CYP2C19: variants seen among roughly 807,000 people sequenced by gnomAD.
CYP2C19 encodes cytochrome P450 2C19.
CYP2C19 carries 59 observed loss-of-function variants against 40.9 expected under a neutral mutation model. The ratio of observed to expected loss-of-function variants is 1.44; its 90% CI spans 1.17 to 1.79. CYP2C19 has a LOEUF of 1.79. Ranked by LOEUF, CYP2C19 falls within the 40% of genes most tolerant of loss-of-function variation. CYP2C19 has a pLI of 0.00. For synonymous variants in CYP2C19, 253 were observed against 208.7 expected, an observed-to-expected ratio of 1.21 and a Z score of -1.83; for missense variants, 754 against 596.9, an observed-to-expected ratio of 1.26 and a Z score of -2.74.
chr10:94,806,256 A>C (rs1317081739), intron 5 of CYP2C19, among the ~76,000 whole-genome samples: 3 of 152,256 alleles, frequency 2.0e-5, no homozygotes, highest in East Asian at 3.9e-4. Flanking sequence ...CCAAGGGTGA[A>C]TAATATTCCG....
chr10:94,845,440 T>C (rs1001353260), intron 7 of CYP2C19, among the ~76,000 whole-genome samples: 10 of 152,226 alleles, frequency 6.6e-5, no homozygotes, highest in African/African-American at 1.2e-4. Flanking sequence ...AGGATGGACT[T>C]GTGCAGAGAG....
chr10:94,816,266 A>G (rs887002515), intron 5 of CYP2C19, among the ~76,000 whole-genome samples: 1 of 144,874 alleles, frequency 6.9e-6, no homozygotes, highest in Admixed American at 6.9e-5. Context: ...CTTTATTTTT[A>G]TTTTTATTTT....
chr10:94,799,940 G>A (rs565376112), intron 5 of CYP2C19, among the ~76,000 whole-genome samples: 12 of 151,922 alleles, frequency 7.9e-5, no homozygotes, highest in African/African-American at 1.2e-4. Context: ...CTTATGATGC[G>A]TTAGAACATG....
chr10:94,806,806 A>C (rs1848842561), intron 5 of CYP2C19, among the ~76,000 whole-genome samples: 1 of 151,262 alleles, frequency 6.6e-6, no homozygotes, highest in South Asian at 2.1e-4. Flanking sequence ...GGTGTACTGT[A>C]ATATTTCAGT....
intron 5 of CYP2C19, among the ~76,000 whole-genome samples, chr10:94,786,852 A>G (rs1025479870): frequency 6.6e-6 from 1 of 151,992 alleles, no homozygotes; most frequent in Non-Finnish European, 1.5e-5. Context: ...GATTTTTTTT[A>G]TGGCTGCATA....
In CYP2C19 at chr10:94,835,404, G is replaced by A. The variant is rs187124096; in HGVS notation, c.962-7433G>A. Among the ~76,000 whole-genome samples, 6 of 152,234 alleles carry A rather than the reference G, an allele frequency of 3.9e-5. No homozygotes were observed. The East Asian group carries it at 1.2e-3, about 29-fold the overall frequency. ...TTTTTTGGTGGCTAGCCATCCCGAG[G>A]GGAGAAAACTATGTCTTCATGAGGT... On this transcript the variant is annotated intron_variant, in intron 6 of 8. Coordinates refer to ENST00000371321, the MANE Select transcript of CYP2C19 (RefSeq NM_000769.4).
chr10:94,790,940 T>A (rs1167088611), intron 5 of CYP2C19, among the ~76,000 whole-genome samples: 1 of 152,156 alleles, frequency 6.6e-6, no homozygotes, highest in African/African-American at 2.4e-5. Context: ...TCAGAAGGAA[T>A]GGCACCAGTT....
chr10:94,848,987 T>C (rs112859776), intron 7 of CYP2C19, among the ~76,000 whole-genome samples: 3 of 152,300 alleles, frequency 2.0e-5, no homozygotes, highest in African/African-American at 7.2e-5. Context: ...GCTGAGACGA[T>C]GGGGTTGTCT....
In CYP2C19 at chr10:94,849,889, T is replaced by C. The variant is rs757456509; in HGVS notation, c.1150-28T>C. ...TAAACCTTCGTGACTTCTTTACAGCTCAGTTCACCTATGTCTCTTGTTTCT... is the reference window on the plus strand; with the variant it reads ...TAAACCTTCGTGACTTCTTTACAGCCCAGTTCACCTATGTCTCTTGTTTCT... On this transcript the variant is annotated intron_variant, in intron 7 of 8. Transcript: ENST00000371321. 2.5e-6 allele frequency: 4 copies of C among 1,613,258 alleles called. No homozygotes were observed. In the Admixed American group the frequency reaches 6.7e-5, roughly 27 times the overall value.
chr10:94,776,997 T>A (rs1848416090), intron 3 of CYP2C19, among the ~76,000 whole-genome samples: 1 of 152,084 alleles, frequency 6.6e-6, no homozygotes, highest in Admixed American at 6.5e-5. Context: ...AGCATTCCTA[T>A]ACACCAATAA....
intron 6 of CYP2C19, among the ~76,000 whole-genome samples, chr10:94,840,893 C>G (rs188435494): frequency 6.6e-6 from 1 of 152,230 alleles, no homozygotes; most frequent in Non-Finnish European, 1.5e-5. Context: ...TCATTTTTAA[C>G]TGGCCGACAG....
chr10:94,827,689 T>G (rs1257955359), intron 6 of CYP2C19, among the ~76,000 whole-genome samples: 1 of 152,230 alleles, frequency 6.6e-6, no homozygotes, highest in Non-Finnish European at 1.5e-5. Flanking sequence ...TTTTAGTTAT[T>G]TGTTGCCTTC....
intron 6 of CYP2C19, among the ~76,000 whole-genome samples, chr10:94,827,632 T>G (rs1264487193): frequency 2.0e-5 from 3 of 152,216 alleles, no homozygotes; most frequent in East Asian, 3.8e-4. Context: ...ATTCATTAAT[T>G]TTTTGAAGGG....
chr10:94,850,119 G>A (rs549355134), intron 8 of CYP2C19, 61 bp downstream of exon 8: 1 of 1,575,800 alleles, frequency 6.3e-7, no homozygotes, highest in African/African-American at 1.3e-5. Context: ...TGATCAGTTG[G>A]AACTTACATG....
intron 3 of CYP2C19, 39 bp from the exon 4 acceptor site, chr10:94,780,457 CTAA>C (rs756864516): frequency 6.8e-6 from 11 of 1,605,958 alleles, no homozygotes; most frequent in Admixed American, 1.7e-5. Flanking sequence ...TGTTTTATAT[CTAA>C]TGTTTACTCA....
At chr10:94,797,632 G>C (rs956518429) in intron 5 of CYP2C19, among the ~76,000 whole-genome samples, 2 of 151,392 alleles carry the variant, frequency 1.3e-5, no homozygotes, top group South Asian at 2.1e-4. Flanking sequence ...CTTTTTTTTT[G>C]GTTGGTAGGC....
At chr10:94,849,242 T>C (rs1478607082) in intron 7 of CYP2C19, among the ~76,000 whole-genome samples, 1 of 152,122 alleles carries the variant, frequency 6.6e-6, no homozygotes, top group Non-Finnish European at 1.5e-5. Context: ...AAGCCCAAGC[T>C]TGATGAAAAG....
rs556346677 is a variant in CYP2C19 at position 94,813,063 on chromosome 10, T to C, written c.820-7433T>C. On this transcript the variant is annotated intron_variant, in intron 5 of 8. Transcript: ENST00000371321. ...GAATGGGTTTTTTGCGTGGACATCC[T>C]TTTTGTTGATGTTGATGCTATTCCT... Among the ~76,000 whole-genome samples the C allele has an allele frequency of 2.5e-3, 380 of 152,106 alleles. 2 individuals are homozygous for C. The highest frequency in any genetic ancestry group is 8.0e-3 in the African/African-American group (331 of 41,420).
intron 5 of CYP2C19, among the ~76,000 whole-genome samples, chr10:94,817,673 G>A (rs1849028617): frequency 6.6e-6 from 1 of 150,814 alleles, no homozygotes; most frequent in Admixed American, 6.6e-5. Flanking sequence ...GTCCTGAATG[G>A]TAATGCCTAG....
Sources: gnomAD v4.1 joint callset for allele counts (sites outside exome capture counted in the v4.1 genomes callset) on GRCh38, gnomAD v4.1.1 for gene constraint, MANE v1.5 for transcripts, NCBI Gene and HGNC (gene_info 2026-07-23, HGNC 2026-07-21) for gene names.